APP: variants seen among roughly 807,000 people sequenced by gnomAD.
APP encodes the protein amyloid beta precursor protein.
In APP, 31 loss-of-function variants were observed where a neutral mutation model predicts 101.4. That is an observed-to-expected ratio of 0.31 (90% CI 0.23 to 0.41). The LOEUF is 0.41. Among genes scored for constraint, APP ranks in the 10% least tolerant of loss-of-function variants. The probability of loss-of-function intolerance (pLI) is 1.00; values close to 1 mark genes in which losing one functional copy is unlikely to be tolerated. For synonymous variants in APP, 366 were observed against 364.4 expected (o/e 1.00, Z -0.05); for missense variants, 839 against 1,003.7 (o/e 0.84, Z 2.22).
At chr21:26,091,131 T>G (rs2061814393) in intron 2 of APP, among the ~76,000 whole-genome samples, 1 of 152,248 alleles carries the variant, frequency 6.6e-6, no homozygotes. Flanking sequence ...ACAGGGTGGT[T>G]GTTTTGCCAG....
intron 14 of APP, among the ~76,000 whole-genome samples, chr21:25,910,479 A>T (rs1601373814): frequency 1.3e-5 from 2 of 152,306 alleles, no homozygotes; most frequent in East Asian, 3.9e-4. Context: ...TGCTGCTTTG[A>T]TAAAGAAAAT....
intron 14 of APP, among the ~76,000 whole-genome samples, chr21:25,906,637 C>T (rs9978069): frequency 0.035 from 5,341 of 152,274 alleles, 124 homozygotes; most frequent in Non-Finnish European, 0.053. Context: ...AAATACATTT[C>T]GACAATGAGG....
intron 1 of APP, chr21:26,140,481 A>C: frequency 1.4e-6 from 1 of 739,450 alleles, no homozygotes; most frequent in South Asian, 3.1e-5. Context: ...GAGTAAATCA[A>C]TTTCCTTTTG....
At chr21:25,913,755 T>C (rs1485516692) in intron 13 of APP, among the ~76,000 whole-genome samples, 2 of 152,224 alleles carry the variant, frequency 1.3e-5, no homozygotes, top group East Asian at 3.8e-4. Context: ...ACAGTACTTA[T>C]CTTCTTCCCT....
rs566492641 is a variant in APP at position 26,091,104 on chromosome 21, A to G, written c.226-1032T>C. Reference sequence around the variant, plus strand: ...ATTTCGAAAATGTGCATTCCCTTGCATAAACCTTGCATTGCAACAGGGTGG... The same window carrying G: ...ATTTCGAAAATGTGCATTCCCTTGCGTAAACCTTGCATTGCAACAGGGTGG... On this transcript the variant is annotated intron_variant, in intron 2 of 17. Coordinates refer to ENST00000346798, the MANE Select transcript of APP (RefSeq NM_000484.4). 3.5e-4 allele frequency among the ~76,000 whole-genome samples: 54 copies of G among 152,372 alleles called. 1 individual carries two copies. Among genetic ancestry groups the G allele is most frequent in the African/African-American group, 1.3e-3 (53 of 41,588 alleles).
chr21:25,924,411 C>CAAA (rs551284093), intron 13 of APP, among the ~76,000 whole-genome samples: 22,407 of 56,448 alleles, frequency 0.4, 2,855 homozygotes, highest in Non-Finnish European at 0.48. Context: ...TTTGCAAATA[C>CAAA]AAAAAAAAAA....
At chr21:26,111,087 TAA>T (rs576900084) in intron 2 of APP, among the ~76,000 whole-genome samples, 7 of 88,454 alleles carry the variant, frequency 7.9e-5, no homozygotes, top group Non-Finnish European at 1.3e-4. Flanking sequence ...AAAGTTAAGT[TAA>T]AAAAAAAAAA....
chr21:25,881,783 G>C lies in APP; in HGVS notation c.2212-12C>G, dbSNP rs1396053306. ...ACAGCGGCGTCAACCTGAAAAACAA[G>C]AGGAGAGCTGAGTAAAAAATAAAAA... is the stretch of plus-strand genomic sequence containing the variant. On this transcript the variant is annotated splice_polypyrimidine_tract_variant and intron_variant, in intron 17 of 17. Coordinates refer to ENST00000346798, the MANE Select transcript of APP (RefSeq NM_000484.4). 1 of 1,609,262 alleles carries C rather than the reference G, an allele frequency of 6.2e-7. No individual in the cohort carries two copies. Among genetic ancestry groups the C allele is most frequent in the Non-Finnish European group, 8.5e-7 (1 of 1,177,570 alleles).
intron 6 of APP, 108 bp from the exon 7 acceptor site, chr21:26,000,290 G>T: frequency 7.3e-7 from 1 of 1,376,780 alleles, no homozygotes; most frequent in Non-Finnish European, 1.0e-6. Flanking sequence ...AACCTGGACT[G>T]GTTTATTAGG....
intron 16 of APP, among the ~76,000 whole-genome samples, chr21:25,896,172 G>A (rs910641389): frequency 6.6e-6 from 1 of 152,028 alleles, no homozygotes; most frequent in South Asian, 2.1e-4. Context: ...TATAACAACT[G>A]ATACTAGATT....
At chr21:26,022,144 C>T in intron 5 of APP, 102 bp from the exon 6 acceptor site, 3 of 1,362,666 alleles carry the variant, frequency 2.2e-6, no homozygotes, top group Admixed American at 1.7e-5. Context: ...TGAGAAGAAA[C>T]ACACCCAAAA....
chr21:26,165,180 A>G (rs1209985408), intron 1 of APP, among the ~76,000 whole-genome samples: 1 of 152,252 alleles, frequency 6.6e-6, no homozygotes, highest in African/African-American at 2.4e-5. Flanking sequence ...TAATTTGTCA[A>G]TAAGTGAAAC....
At chr21:25,939,249 G>T (rs1181092374) in intron 13 of APP, among the ~76,000 whole-genome samples, 1 of 152,192 alleles carries the variant, frequency 6.6e-6, no homozygotes, top group Non-Finnish European at 1.5e-5. Context: ...TGGGAAGGAA[G>T]CCAGGAAGCC....
At chr21:26,073,651 T>C (rs550279024) in intron 3 of APP, among the ~76,000 whole-genome samples, 1 of 151,880 alleles carries the variant, frequency 6.6e-6, no homozygotes, top group Non-Finnish European at 1.5e-5. Context: ...AGAGGAAAAA[T>C]ATGAGAAGGC....
At position 26,166,927 on chromosome 21, in the gene APP, GGTGTGTGT is replaced by G. The variant is rs10600074; in HGVS notation, c.57+3629_57+3636del. Among the ~76,000 whole-genome samples the G allele has an allele frequency of 5.2e-4, 78 of 148,634 alleles. 2 individuals carry two copies. The highest frequency in any genetic ancestry group is 1.8e-3 in the African/African-American group (71 of 40,058). Reference sequence around the variant, plus strand: ...GAGAAAGAGAGAGAAAGAGACAGAGGGTGTGTGTGTGTGTGTGTGTGTGTGTCTGTCTG... The same window carrying G: ...GAGAAAGAGAGAGAAAGAGACAGAGGGTGTGTGTGTGTGTGTGTCTGTCTG... On this transcript the variant is annotated intron_variant, in intron 1 of 17. Transcript: ENST00000346798.
At chr21:26,161,701 CTT>C (rs1340136008) in intron 1 of APP, among the ~76,000 whole-genome samples, 1 of 152,116 alleles carries the variant, frequency 6.6e-6, no homozygotes, top group Admixed American at 6.5e-5. Flanking sequence ...CTTAGGTACT[CTT>C]CAGTTATATC....
At chr21:25,988,389 T>G (rs937161762) in intron 8 of APP, among the ~76,000 whole-genome samples, 2 of 151,870 alleles carry the variant, frequency 1.3e-5, no homozygotes, top group Admixed American at 6.6e-5. Flanking sequence ...GGGACAAAAG[T>G]AGAAGGAAGA....
At chr21:26,092,985 G>C (rs2061859514) in intron 2 of APP, among the ~76,000 whole-genome samples, 1 of 152,198 alleles carries the variant, frequency 6.6e-6, no homozygotes, top group South Asian at 2.1e-4. Flanking sequence ...GGTGGGTGCT[G>C]AGAGAGTTAT....
intron 8 of APP, among the ~76,000 whole-genome samples, chr21:25,983,316 C>G (rs1471745042): frequency 6.6e-6 from 1 of 152,136 alleles, no homozygotes; most frequent in Non-Finnish European, 1.5e-5. Flanking sequence ...TAAGAGGAAG[C>G]ATATTTAACA....
Sources: gnomAD v4.1 joint callset for allele counts (sites outside exome capture counted in the v4.1 genomes callset) on GRCh38, gnomAD v4.1.1 for gene constraint, MANE v1.5 for transcripts, NCBI Gene and HGNC (gene_info 2026-07-23, HGNC 2026-07-21) for gene names.